Variants in SLC23A3 observed in about 807,000 individuals in gnomAD.
SLC23A3 encodes the protein E2-binding protein 3.
Under a neutral mutation model 64.7 loss-of-function variants are expected in SLC23A3, and 41 were observed. That is an observed-to-expected ratio of 0.63 (90% CI 0.49 to 0.82). The LOEUF is 0.82. SLC23A3 is among the 40% of genes least tolerant of loss of function. The pLI is 0.00. For synonymous variants in SLC23A3, 281 were observed against 306.8 expected, an observed-to-expected ratio of 0.92 and a Z score of 0.88; for missense variants, 647 against 733.4, an observed-to-expected ratio of 0.88 and a Z score of 1.36.
intron 5 of SLC23A3, 146 bp from the exon 6 acceptor site, chr2:219,168,464 G>A: frequency 8.6e-7 from 1 of 1,166,072 alleles, no homozygotes; most frequent in Non-Finnish European, 1.2e-6. Flanking sequence ...TGACCTTGGG[G>A]GACAGCAGAA....
Position 219,163,504 on chromosome 2 carries a change from C to T in SLC23A3, c.1325G>A (p.Ser442Asn), listed in dbSNP as rs761853694. 1.2e-6 allele frequency: 2 copies of T among 1,614,176 alleles called. No individual in the cohort carries two copies. Among genetic ancestry groups the T allele is most frequent in the East Asian group, 2.2e-5 (1 of 44,874 alleles). Residue 442 changes from serine (S) to asparagine (N), a missense_variant, in exon 10 of 12, where the codon AGC becomes AAC. Transcript: ENST00000409878. ...QAVVLSAGFS[S>N]FYLADIDSGR... Reference sequence around the variant, plus strand: ...AGAGTCTATGTCAGCCAGGTAGAAGCTGGAGAATCCAGCAGACAAAACCAC... The same window carrying T: ...AGAGTCTATGTCAGCCAGGTAGAAGTTGGAGAATCCAGCAGACAAAACCAC...
chr2:219,168,008 C>T lies in SLC23A3; in HGVS notation c.835G>A (p.Ala279Thr), dbSNP rs1339266214. The T allele has an allele frequency of 6.3e-7, 1 of 1,589,370 alleles. No homozygotes were observed. Among genetic ancestry groups the T allele is most frequent in the Middle Eastern group, 1.7e-4 (1 of 5,968 alleles). ...GGGATAACACTGAATCCCACAAAGG[C>T]AGAAACAATCCACACACAGGCCACT... The part of the protein sequence containing the change: ...IPVACVWIVS[A>T]FVGFSVIPQE... The change falls in exon 7 of 12, where the codon GCC becomes ACC. Residue 279 changes from alanine to threonine, a missense_variant. Coordinates refer to ENST00000409878, the MANE Select transcript of SLC23A3 (RefSeq NM_001144889.2).
At chr2:219,167,904 G>C (rs768582373) in intron 7 of SLC23A3, 26 bp downstream of exon 7, 1 of 1,493,994 alleles carries the variant, frequency 6.7e-7, no homozygotes. Flanking sequence ...TTGAACAAGA[G>C]AATGGAGGAC....
At position 219,169,003 on chromosome 2, in the gene SLC23A3, A is replaced by G. The variant is rs1049992009; in HGVS notation, c.492+26T>C. 6.2e-7 allele frequency: 1 copy of G among 1,605,834 alleles called. No individual in the cohort carries two copies. Among genetic ancestry groups the G allele is most frequent in the African/African-American group, 1.3e-5 (1 of 74,738 alleles). On this transcript the variant is annotated intron_variant, in intron 4 of 11. Coordinates refer to ENST00000409878, the MANE Select transcript of SLC23A3 (RefSeq NM_001144889.2). This position sits in a 1 kb window ranked among gnomAD's most constrained non-coding sequence, Gnocchi z 4.5. ...CCCCCCCAAGCCTGGCACCACCCTT[A>G]TCCCTTCTCACCTCCAGATACCCAC...
intron 8 of SLC23A3, 179 bp downstream of exon 8, chr2:219,164,990 C>T (rs1559209040): frequency 4.0e-6 from 3 of 754,392 alleles, no homozygotes; most frequent in Middle Eastern, 2.4e-4. Flanking sequence ...ACAGGAGTTC[C>T]GTGGTGATTT....
In SLC23A3 at chr2:219,169,616, G is replaced by C. The variant is rs1950041592; in HGVS notation, c.225C>G (p.Ser75=). The part of the protein sequence containing the change: ...VSHLLLLCSL[S]PGGLSYSPSQ... ...AAGGGGAGTAAGAGAGTCCTCCTGG[G>C]GAGAGACTGCAAAGCAGGAGCAGGT... Residue 75 remains serine, a synonymous_variant, in exon 2 of 12, where the codon TCC becomes TCG. Transcript: ENST00000409878. The surrounding 1 kb of genome is among the most constrained non-coding windows in gnomAD (Gnocchi z 4.5). 6.2e-7 allele frequency: 1 copy of C among 1,614,098 alleles called. No homozygotes were observed. Among genetic ancestry groups the C allele is most frequent in the African/African-American group, 1.3e-5 (1 of 74,930 alleles).
At chr2:219,163,266 A>T in intron 10 of SLC23A3, 122 bp downstream of exon 10, 2 of 969,126 alleles carry the variant, frequency 2.1e-6, no homozygotes, top group African/African-American at 1.6e-5. Context: ...AATATCTGTT[A>T]AACAAATGGA....
At chr2:219,168,991 G>A in intron 4 of SLC23A3, 38 bp downstream of exon 4, 1 of 1,596,330 alleles carries the variant, frequency 6.3e-7, no homozygotes. Flanking sequence ...CCCCAAGCCT[G>A]GCACCACCCT....
At position 219,169,908 on chromosome 2, in the gene SLC23A3, G is replaced by A; in HGVS notation, c.77C>T (p.Pro26Leu). 4 of 1,613,840 alleles carry A rather than the reference G, an allele frequency of 2.5e-6. No individual in the cohort carries two copies. The highest frequency in any genetic ancestry group is 2.5e-6 in the Non-Finnish European group (3 of 1,179,866). ...SQDALAPLPP[P>L]APQNPSTHSW... ...GTGGGTGGAGGGATTCTGGGGAGCAGGTGGAGGCAAGGGGGCCAGGGCATC... is the reference window on the plus strand; with the variant it reads ...GTGGGTGGAGGGATTCTGGGGAGCAAGTGGAGGCAAGGGGGCCAGGGCATC... The change falls in exon 1 of 12, where the codon CCT becomes CTT. Residue 26 changes from proline to leucine, a missense_variant. Pro to Leu is a moderately conservative substitution (Grantham distance 98). Transcript: ENST00000409878. This position sits in a 1 kb window ranked among gnomAD's most constrained non-coding sequence, Gnocchi z 4.5.
Position 219,168,848 on chromosome 2 carries a change from G to A in SLC23A3, c.493-15C>T. 19 of 1,570,298 alleles carry A rather than the reference G, an allele frequency of 1.2e-5. No individual in the cohort carries two copies. Among genetic ancestry groups the A allele is most frequent in the Non-Finnish European group, 1.6e-5 (19 of 1,158,442 alleles). On this transcript the variant is annotated splice_polypyrimidine_tract_variant and intron_variant, in intron 4 of 11. Transcript: ENST00000409878. ...GCCCCGGACACCTGGTAGAAGAGAGGAGAGGATGGAGAGAAAACATTCTGC... is the reference window on the plus strand; with the variant it reads ...GCCCCGGACACCTGGTAGAAGAGAGAAGAGGATGGAGAGAAAACATTCTGC...
chr2:219,161,535 C>T lies in SLC23A3; in HGVS notation c.*374G>A, dbSNP rs1574754505. On this transcript the variant is annotated 3_prime_UTR_variant, in exon 12 of 12. Coordinates refer to ENST00000409878, the MANE Select transcript of SLC23A3 (RefSeq NM_001144889.2). ...TGCTTTGCATTTTCGTTAGTAATTA[C>T]AAAGGTCTTTTTAAACCGTAAATGC... The T allele has an allele frequency of 5.9e-6, 1 of 169,220 alleles. No individual in the cohort carries two copies. Among genetic ancestry groups the T allele is most frequent in the Non-Finnish European group, 1.3e-5 (1 of 79,924 alleles). 10.5% of individuals were successfully genotyped at this position (169,220 alleles called of 1,614,324 possible).
At position 219,169,614 on chromosome 2, in the gene SLC23A3, G is replaced by A. The variant is rs764279704; in HGVS notation, c.227C>T (p.Pro76Leu). 2 of 1,614,186 alleles carry A rather than the reference G, an allele frequency of 1.2e-6. No individual in the cohort carries two copies. Among genetic ancestry groups the A allele is most frequent in the Admixed American group, 1.7e-5 (1 of 60,012 alleles). ...AGAAGGGGAGTAAGAGAGTCCTCCT[G>A]GGGAGAGACTGCAAAGCAGGAGCAG... ...SHLLLLCSLS[P>L]GGLSYSPSQL... Residue 76 changes from proline to leucine, a missense_variant, in exon 2 of 12, where the codon CCA (proline) becomes CTA (leucine). Coordinates refer to ENST00000409878, the MANE Select transcript of SLC23A3 (RefSeq NM_001144889.2). This position sits in a 1 kb window ranked among gnomAD's most constrained non-coding sequence, Gnocchi z 4.5.
At chr2:219,164,590 C>T (rs756851289) in intron 8 of SLC23A3, 4 of 394,664 alleles carry the variant, frequency 1.0e-5, no homozygotes, top group Non-Finnish European at 1.4e-5. Flanking sequence ...GATGGAGTCT[C>T]GCTCTGTCGC....
Position 219,169,788 on chromosome 2 carries a change from C to T in SLC23A3, c.162+35G>A. ...ACACCTACTTCCCCACACACACCAT[C>T]AGGCAGCACCAACTCCTGCACCTCT... On this transcript the variant is annotated intron_variant, in intron 1 of 11. Coordinates refer to ENST00000409878, the MANE Select transcript of SLC23A3 (RefSeq NM_001144889.2). This position sits in a 1 kb window ranked among gnomAD's most constrained non-coding sequence, Gnocchi z 4.5. 1 of 1,611,554 alleles carries T rather than the reference C, an allele frequency of 6.2e-7. No individual in the cohort carries two copies. The highest frequency in any genetic ancestry group is 8.5e-7 in the Non-Finnish European group (1 of 1,178,636).
In SLC23A3 at chr2:219,161,785, T is replaced by G; in HGVS notation, c.*124A>C. On this transcript the variant is annotated 3_prime_UTR_variant, in exon 12 of 12. Coordinates refer to ENST00000409878, the MANE Select transcript of SLC23A3 (RefSeq NM_001144889.2). ...CCACCCTATTGGGAAATGGAACCTC[T>G]AGACAGTCCCATGTAATACACACAC... 1 of 1,108,648 alleles carries G rather than the reference T, an allele frequency of 9.0e-7. No individual in the cohort carries two copies. The highest frequency in any genetic ancestry group is 1.3e-6 in the Non-Finnish European group (1 of 783,832). The allele number at this position is 1,108,648 out of a possible 1,614,324, so 68.7% of individuals were successfully genotyped here.
chr2:219,162,503 T>C (rs1574756057), intron 10 of SLC23A3, 109 bp from the exon 11 acceptor site: 4 of 758,828 alleles, frequency 5.3e-6, no homozygotes, highest in South Asian at 1.6e-5. Context: ...GACAGATCTT[T>C]CTGAATTGTC....
At chr2:219,168,518 C>A in intron 5 of SLC23A3, 134 bp downstream of exon 5, 1 of 1,146,276 alleles carries the variant, frequency 8.7e-7, no homozygotes, top group Non-Finnish European at 1.2e-6. Context: ...AAGGAAAAGT[C>A]TTGGATTCCA....
rs752413395 is a variant in SLC23A3, at chr2:219,169,114, T to A, written c.419-12A>T. The A allele has an allele frequency of 6.2e-7, 1 of 1,613,776 alleles. No individual in the cohort carries two copies. Among genetic ancestry groups the A allele is most frequent in the South Asian group, 1.1e-5 (1 of 91,074 alleles). ...CAGCATGAGGGAGGCTAGGAAAAGT[T>A]TGGGGCATGGAGAAGAGAAGGGTGA... On this transcript the variant is annotated splice_polypyrimidine_tract_variant and intron_variant, in intron 3 of 11. Transcript: ENST00000409878. The surrounding 1 kb of genome is among the most constrained non-coding windows in gnomAD (Gnocchi z 4.5).
chr2:219,165,464 C>A, intron 7 of SLC23A3, 42 bp from the exon 8 acceptor site: 2 of 1,524,148 alleles, frequency 1.3e-6, no homozygotes, highest in South Asian at 2.5e-5. Context: ...AGACTCAAGT[C>A]AGGAGTACCC....
Sources: allele counts gnomAD v4.1 joint callset, GRCh38; gene constraint gnomAD v4.1.1; non-coding constraint Gnocchi (gnomAD v3.1); transcripts MANE v1.5; gene names NCBI Gene and HGNC (gene_info 2026-07-23, HGNC 2026-07-21).